Variants in REDIC1 observed in about 807,000 individuals in gnomAD.
The protein encoded by REDIC1 is HEI10 Interacting Protein 1.
the REDIC1 span, among the ~76,000 whole-genome samples, chr12:39,749,062 C>G: frequency 4.8e-4 from 73 of 152,130 alleles, no homozygotes; most frequent in African/African-American, 1.5e-3. Flanking sequence ...CAAGAAATAA[C>G]TAAGATCAGA....
At chr12:39,877,876 G>A in the REDIC1 span, among the ~76,000 whole-genome samples, 1 of 152,190 alleles carries the variant, frequency 6.6e-6, no homozygotes, top group Non-Finnish European at 1.5e-5. Flanking sequence ...GTAGTCCCCA[G>A]TGCTGAGGTA....
the REDIC1 span, among the ~76,000 whole-genome samples, chr12:39,859,335 A>T: frequency 6.7e-4 from 11 of 16,416 alleles, no homozygotes; most frequent in Admixed American, 1.9e-3. Flanking sequence ...TTTTTTCTGA[A>T]AAAAAAAAAA....
chr12:39,754,414 G>C, the REDIC1 span: 1 of 152,070 alleles, frequency 6.6e-6, no homozygotes, highest in South Asian at 2.1e-4. Flanking sequence ...CTGACGTTAA[G>C]AACCTTAGTT....
the REDIC1 span, among the ~76,000 whole-genome samples, chr12:39,640,631 C>G: frequency 6.6e-6 from 1 of 151,864 alleles, no homozygotes; most frequent in East Asian, 1.9e-4. Flanking sequence ...ATATTGCTAT[C>G]AGATAAGAAT....
At chr12:39,853,662 T>C in the REDIC1 span, among the ~76,000 whole-genome samples, 12 of 151,916 alleles carry the variant, frequency 7.9e-5, no homozygotes, top group African/African-American at 2.9e-4. Flanking sequence ...TTAGTCAGAC[T>C]GCTACAGCCT....
chr12:39,714,729 GTTTT>G, the REDIC1 span, among the ~76,000 whole-genome samples: 1 of 151,498 alleles, frequency 6.6e-6, no homozygotes, highest in Admixed American at 6.6e-5. Flanking sequence ...AACATCTACA[GTTTT>G]TTTATTTTTT....
chr12:39,700,576 CAG>C, the REDIC1 span, among the ~76,000 whole-genome samples: 4 of 151,904 alleles, frequency 2.6e-5, no homozygotes, highest in African/African-American at 9.7e-5. Context: ...ATTCAGGAAA[CAG>C]AGATAATGCC....
At chr12:39,823,249 G>A in the REDIC1 span, among the ~76,000 whole-genome samples, 1 of 152,142 alleles carries the variant, frequency 6.6e-6, no homozygotes, top group Admixed American at 6.5e-5. Flanking sequence ...TAAAATTTAT[G>A]TTGGTAAAAA....
the REDIC1 span, among the ~76,000 whole-genome samples, chr12:39,727,825 T>C: frequency 6.6e-6 from 1 of 152,318 alleles, no homozygotes; most frequent in African/African-American, 2.4e-5. Flanking sequence ...CTCTCTTATT[T>C]CCTAGAGCAG....
the REDIC1 span, among the ~76,000 whole-genome samples, chr12:39,733,977 G>C: frequency 6.6e-6 from 1 of 152,174 alleles, no homozygotes; most frequent in East Asian, 1.9e-4. Flanking sequence ...CAGCTAGTTT[G>C]GTGTCTGCCC....
the REDIC1 span, among the ~76,000 whole-genome samples, chr12:39,792,802 T>G: frequency 5.6e-5 from 1 of 17,726 alleles, no homozygotes; most frequent in African/African-American, 1.3e-4. Flanking sequence ...CTGTATTTAA[T>G]GAAAAAAAAA....
the REDIC1 span, among the ~76,000 whole-genome samples, chr12:39,740,925 CTT>C: frequency 6.6e-6 from 1 of 152,038 alleles, no homozygotes; most frequent in African/African-American, 2.4e-5. Context: ...TATTTTAAAA[CTT>C]AATGTAATAT....
chr12:39,800,139 T>C, the REDIC1 span, among the ~76,000 whole-genome samples: 2,600 of 152,348 alleles, frequency 0.017, 33 homozygotes, highest in Non-Finnish European at 0.027. Flanking sequence ...GCCATTGAGC[T>C]TCCCAAATGG....
At chr12:39,852,306 T>C in the REDIC1 span, among the ~76,000 whole-genome samples, 1 of 152,196 alleles carries the variant, frequency 6.6e-6, no homozygotes, top group Admixed American at 6.5e-5. Context: ...GGGCCTAAAG[T>C]TGTCTAAACA....
chr12:39,726,716 G>A, the REDIC1 span, among the ~76,000 whole-genome samples: 1 of 152,054 alleles, frequency 6.6e-6, no homozygotes, highest in African/African-American at 2.4e-5. Context: ...ATTTCTGGTT[G>A]TAGATCCTTG....
the REDIC1 span, chr12:39,760,373 G>T: frequency 1.3e-6 from 1 of 788,218 alleles, no homozygotes; most frequent in Non-Finnish European, 2.0e-6. Flanking sequence ...GTATGAAATG[G>T]ACCAAAAAAT....
chr12:39,626,224 G>T, the REDIC1 span: 11 of 1,151,840 alleles, frequency 9.5e-6, no homozygotes, highest in African/African-American at 1.5e-5. Context: ...GCTTACTCGG[G>T]CCCTGACGTT....
chr12:39,758,176 A>G, the REDIC1 span: 1 of 151,662 alleles, frequency 6.6e-6, no homozygotes, highest in Non-Finnish European at 1.5e-5. Context: ...CCTCTATAAA[A>G]TATTAATTTT....
chr12:39,679,548 C>T, the REDIC1 span, among the ~76,000 whole-genome samples: 1 of 152,102 alleles, frequency 6.6e-6, no homozygotes, highest in Non-Finnish European at 1.5e-5. Flanking sequence ...AGAATTAATA[C>T]TGTAAAAATG....
Sources: allele counts gnomAD v4.1 joint callset (sites outside exome capture counted in the v4.1 genomes callset), GRCh38; gene constraint gnomAD v4.1.1; transcripts MANE v1.5; gene names NCBI Gene and HGNC (gene_info 2026-07-23, HGNC 2026-07-21).